Variants in GALNT10 observed in about 807,000 individuals in gnomAD.
GALNT10 encodes polypeptide N-acetylgalactosaminyltransferase 10.
A neutral mutation model predicts 75.0 loss-of-function variants in GALNT10; 41 were observed. The ratio of observed to expected loss-of-function variants is 0.55; its 90% confidence interval spans 0.43 to 0.71. GALNT10 has a LOEUF of 0.71. GALNT10 is among the 30% of genes least tolerant of loss of function. The pLI, the probability that GALNT10 is intolerant of heterozygous loss-of-function variation, is 0.00. For missense variants in GALNT10, 727 were observed against 818.5 expected (o/e 0.89, Z 1.36); for synonymous variants, 302 against 313.0 (o/e 0.96, Z 0.37).
intron 1 of GALNT10, among the ~76,000 whole-genome samples, chr5:154,202,013 C>T (rs909326238): frequency 6.6e-6 from 1 of 151,952 alleles, no homozygotes; most frequent in Non-Finnish European, 1.5e-5. Flanking sequence ...TGTCGGGAAA[C>T]CCCAGAATGT....
At chr5:154,297,891 A>G in intron 2 of GALNT10, 50 bp from the exon 3 acceptor site, 1 of 1,551,098 alleles carries the variant, frequency 6.4e-7, no homozygotes, top group Non-Finnish European at 8.9e-7. Context: ...CACTCCATAT[A>G]CAGTACCCCA....
At chr5:154,404,083 C>T (rs368221225) in intron 7 of GALNT10, 21 bp from the exon 8 acceptor site, 76 of 1,583,220 alleles carry the variant, frequency 4.8e-5, no homozygotes, top group Non-Finnish European at 6.2e-5. Flanking sequence ...GTCATCCTCT[C>T]TCTTCCTTCT....
chr5:154,199,989 C>T (rs1025583614), intron 1 of GALNT10, among the ~76,000 whole-genome samples: 7 of 152,296 alleles, frequency 4.6e-5, no homozygotes, highest in Admixed American at 6.5e-5. Flanking sequence ...TCCAGGGCCA[C>T]GCAGCTAGGA....
intron 8 of GALNT10, among the ~76,000 whole-genome samples, chr5:154,406,442 G>C (rs550323057): frequency 6.6e-6 from 1 of 152,216 alleles, no homozygotes; most frequent in Non-Finnish European, 1.5e-5. Flanking sequence ...GCCTGAATCA[G>C]GTGCGGCCTT....
intron 1 of GALNT10, among the ~76,000 whole-genome samples, chr5:154,287,913 T>TGTGAGA (rs1216974853): frequency 1.4e-4 from 20 of 148,088 alleles, no homozygotes; most frequent in African/African-American, 4.5e-4. Context: ...TGTGTGTGTG[T>TGTGAGA]GAGAGAGAGA....
chr5:154,412,847 A>T lies in GALNT10; in HGVS notation c.1387-42A>T. 1 of 1,396,302 alleles carries T rather than the reference A, an allele frequency of 7.2e-7. No individual in the cohort carries two copies. The highest frequency in any genetic ancestry group is 1.4e-5 in the African/African-American group (1 of 70,886). 86.5% of individuals were successfully genotyped at this position (1,396,302 alleles called of 1,614,324 possible). ...CTGGCAGGGACCCGGTGGGCACCTTAAGGCACCTCAGTGGTCCACTTCTTC... is the reference window on the plus strand; with the variant it reads ...CTGGCAGGGACCCGGTGGGCACCTTTAGGCACCTCAGTGGTCCACTTCTTC... On this transcript the variant is annotated intron_variant, in intron 9 of 11. Coordinates refer to ENST00000297107, the MANE Select transcript of GALNT10 (RefSeq NM_198321.4). This position sits in a 1 kb window ranked among gnomAD's most constrained non-coding sequence, Gnocchi z 4.2.
intron 3 of GALNT10, among the ~76,000 whole-genome samples, chr5:154,311,177 C>G (rs1581967963): frequency 6.6e-6 from 1 of 152,310 alleles, no homozygotes; most frequent in African/African-American, 2.4e-5. Flanking sequence ...TCTGAGTCTT[C>G]TAGAAATGGA....
rs897721766 is a variant in GALNT10, at chr5:154,190,921, C to T, written c.55C>T (p.Leu19=). The change falls in exon 1 of 12, where the codon CTG becomes TTG. Residue 19 remains leucine (L), a synonymous_variant. Transcript: ENST00000297107. The part of the protein sequence containing the change: ...LQAVALVLAA[L]VLLPNVGLWA... ...GGCGGTGGCGCTGGTGCTGGCGGCC[C>T]TGGTCCTCCTGCCCAACGTGGGGCT... 2.7e-6 allele frequency: 4 copies of T among 1,499,774 alleles called. No homozygotes were observed. Among genetic ancestry groups the T allele is most frequent in the Non-Finnish European group, 3.6e-6 (4 of 1,126,046 alleles). The allele number at this position is 1,499,774 out of a possible 1,614,324, so 92.9% of individuals were successfully genotyped here.
intron 1 of GALNT10, among the ~76,000 whole-genome samples, chr5:154,216,540 G>A (rs1468758865): frequency 1.3e-5 from 2 of 152,140 alleles, no homozygotes; most frequent in African/African-American, 4.8e-5. Flanking sequence ...GATTATTTGT[G>A]TTCATCAGAA....
chr5:154,251,629 G>T (rs1057168598), intron 1 of GALNT10, among the ~76,000 whole-genome samples: 1 of 152,082 alleles, frequency 6.6e-6, no homozygotes, highest in African/African-American at 2.4e-5. Flanking sequence ...TATTCAGTGG[G>T]AATCTCTTCA....
intron 1 of GALNT10, among the ~76,000 whole-genome samples, chr5:154,199,770 A>C (rs1025048599): frequency 2.0e-5 from 3 of 152,250 alleles, no homozygotes; most frequent in African/African-American, 4.8e-5. Context: ...TGGAGAGAGC[A>C]GAGGAGAGAG....
At position 154,409,744 on chromosome 5, in the gene GALNT10, G is replaced by A. The variant is rs139278178; in HGVS notation, c.1368G>A (p.Pro456=). The A allele has an allele frequency of 1.1e-4, 174 of 1,613,146 alleles. 1 individual carries two copies. Among genetic ancestry groups the A allele is most frequent in the African/African-American group, 7.6e-4 (57 of 75,008 alleles). ...AATTCTACCCACCCGTGGAGCCCCC[G>A]GCTGCAGCTTGGGGGGAGGTGAGTC... ...LPKFYPPVEP[P]AAAWGEIRNV... Residue 456 remains proline (P), a synonymous_variant, in exon 9 of 12, where the codon CCG becomes CCA. Coordinates refer to ENST00000297107, the MANE Select transcript of GALNT10 (RefSeq NM_198321.4). This position sits in a 1 kb window ranked among gnomAD's most constrained non-coding sequence, Gnocchi z 4.5.
At chr5:154,213,783 T>C (rs1381988916) in intron 1 of GALNT10, among the ~76,000 whole-genome samples, 1 of 152,164 alleles carries the variant, frequency 6.6e-6, no homozygotes, top group Non-Finnish European at 1.5e-5. Flanking sequence ...GATCTTGCTA[T>C]GTTGCCCAGG....
At chr5:154,300,582 G>C (rs572406697) in intron 3 of GALNT10, among the ~76,000 whole-genome samples, 1 of 152,326 alleles carries the variant, frequency 6.6e-6, no homozygotes, top group East Asian at 1.9e-4. Flanking sequence ...GACAGGCTGG[G>C]TGTGGTCACA....
intron 1 of GALNT10, among the ~76,000 whole-genome samples, chr5:154,293,611 A>ATTTTTTTTTTTTTT (rs912343114): frequency 1.0e-5 from 1 of 96,704 alleles, no homozygotes; most frequent in African/African-American, 4.4e-5. Context: ...ATATATATAT[A>ATTTTTTTTTTTTTT]TATTTTTTTT....
Position 154,218,233 on chromosome 5 carries a change from C to T in GALNT10, c.159+27208C>T, listed in dbSNP as rs542842992. The T allele has an allele frequency of 4.4e-4, 261 of 589,444 alleles. 1 individual carries two copies. The highest frequency in any genetic ancestry group is 5.3e-4 in the Non-Finnish European group (249 of 468,164). The allele number at this position is 589,444 out of a possible 1,614,324, so 36.5% of individuals were successfully genotyped here. On this transcript the variant is annotated intron_variant, in intron 1 of 11. Transcript: ENST00000297107. The stretch of plus-strand genomic sequence containing the variant: ...CCCTCTCTCATTTTAAAAGCCCTCC[C>T]AGGACTTCAAGATGAAACACTTCCA...
At chr5:154,248,886 C>G (rs1753473183) in intron 1 of GALNT10, among the ~76,000 whole-genome samples, 1 of 152,132 alleles carries the variant, frequency 6.6e-6, no homozygotes. Context: ...AGAGGTTGAC[C>G]CAGTCTTATA....
intron 4 of GALNT10, chr5:154,338,129 G>T: frequency 1.1e-6 from 1 of 938,858 alleles, no homozygotes; most frequent in Non-Finnish European, 1.7e-6. Context: ...AGTTGAGTGG[G>T]CACCTGGTCT....
Position 154,420,114 on chromosome 5 carries a change from A to AAAAC in GALNT10, c.*3144_*3147dup, listed in dbSNP as rs1479955247. ...CCTCCAGTTGGAGCTTTCAGCTGTT[A>AAAAC]AAACAGTCAGAAACTATTGATTCTT... On this transcript the variant is annotated 3_prime_UTR_variant, in exon 12 of 12. Coordinates refer to ENST00000297107, the MANE Select transcript of GALNT10 (RefSeq NM_198321.4). The AAAAC allele has an allele frequency of 1.3e-5, 2 of 152,244 alleles. No homozygotes were observed. The highest frequency in any genetic ancestry group is 1.3e-4 in the Admixed American group (2 of 15,286). 9.4% of individuals were successfully genotyped at this position (152,244 alleles called of 1,614,324 possible).
Sources: allele counts gnomAD v4.1 joint callset (sites outside exome capture counted in the v4.1 genomes callset), GRCh38; gene constraint gnomAD v4.1.1; non-coding constraint Gnocchi (gnomAD v3.1); transcripts MANE v1.5; gene names NCBI Gene and HGNC (gene_info 2026-07-23, HGNC 2026-07-21).